Variants in DPP6 observed in about 807,000 individuals in gnomAD.
DPP6 encodes the protein dipeptidyl peptidase like 6.
In DPP6, 69 loss-of-function variants were observed where a neutral mutation model predicts 122.6. The ratio of observed to expected loss-of-function variants is 0.56; its 90% CI spans 0.46 to 0.69. The LOEUF (loss-of-function observed/expected upper bound fraction) is 0.69, where lower values mean the gene tolerates loss of function less well. DPP6 is among the 30% of genes least tolerant of loss of function. DPP6 has a pLI of 0.00. For missense variants in DPP6, 928 were observed against 1,116.9 expected, an observed-to-expected ratio of 0.83 and a Z score of 2.41; for synonymous variants, 418 against 433.1, an observed-to-expected ratio of 0.97 and a Z score of 0.43.
At chr7:154,247,745 C>A (rs1476928172) in intron 1 of DPP6, among the ~76,000 whole-genome samples, 1 of 152,102 alleles carries the variant, frequency 6.6e-6, no homozygotes, top group Non-Finnish European at 1.5e-5. Flanking sequence ...GTCTACTGCA[C>A]TCTTAGGTAT....
At chr7:154,039,229 C>T (rs926292831) in intron 1 of DPP6, among the ~76,000 whole-genome samples, 5 of 141,128 alleles carry the variant, frequency 3.5e-5, no homozygotes, top group East Asian at 2.0e-4. Flanking sequence ...TGGAGGTGCC[C>T]GGTGGATCTC....
chr7:153,905,983 C>T (rs896077149), intron 1 of DPP6, among the ~76,000 whole-genome samples: 1 of 152,080 alleles, frequency 6.6e-6, no homozygotes, highest in Non-Finnish European at 1.5e-5. Flanking sequence ...AAAGTTGGAA[C>T]AAAATAAACC....
intron 1 of DPP6, among the ~76,000 whole-genome samples, chr7:154,364,556 G>A (rs1297665492): frequency 6.6e-6 from 1 of 152,214 alleles, no homozygotes. Context: ...GGTGGGGTGG[G>A]GGGTTGCATT....
intron 3 of DPP6, among the ~76,000 whole-genome samples, chr7:154,531,177 G>A (rs1434340871): frequency 6.6e-6 from 1 of 151,992 alleles, no homozygotes; most frequent in Non-Finnish European, 1.5e-5. Flanking sequence ...ATGTACCCCA[G>A]AATTTAAAAT....
the DPP6 span, among the ~76,000 whole-genome samples, chr7:153,837,251 A>G: frequency 6.7e-6 from 1 of 150,350 alleles, no homozygotes; most frequent in East Asian, 1.9e-4. Context: ...TATATCTACT[A>G]AAAATGTGTT....
At chr7:154,666,200 T>TACACACAC (rs1554429582) in intron 6 of DPP6, among the ~76,000 whole-genome samples, 3 of 102,504 alleles carry the variant, frequency 2.9e-5, no homozygotes, top group South Asian at 3.6e-4. Flanking sequence ...TATATATATA[T>TACACACAC]ACACATATAC....
chr7:153,935,619 T>TC (rs1801399292), intron 1 of DPP6, among the ~76,000 whole-genome samples: 1 of 152,198 alleles, frequency 6.6e-6, no homozygotes, highest in Admixed American at 6.5e-5. Context: ...ATTTTGTTTA[T>TC]CCTTTACAGC....
chr7:154,313,685 G>GTGTGTGCGTATATATATATATA, intron 1 of DPP6, among the ~76,000 whole-genome samples: 1 of 20,476 alleles, frequency 4.9e-5, no homozygotes, highest in East Asian at 3.3e-3. Context: ...TTAAGATATG[G>GTGTGTGCGTATATATATATATA]TATATATATA....
intron 2 of DPP6, among the ~76,000 whole-genome samples, chr7:154,452,189 T>C (rs1024888822): frequency 2.6e-5 from 4 of 152,238 alleles, no homozygotes; most frequent in African/African-American, 9.6e-5. Flanking sequence ...AAGATGCCAG[T>C]ACTTCCCATG....
intron 16 of DPP6, among the ~76,000 whole-genome samples, chr7:154,838,157 C>T (rs1197590292): frequency 6.6e-6 from 1 of 152,186 alleles, no homozygotes; most frequent in Non-Finnish European, 1.5e-5. Context: ...AGCATAATGA[C>T]AGCAGTAAAA....
chr7:154,827,069 C>T (rs1800212015), intron 16 of DPP6, among the ~76,000 whole-genome samples: 1 of 152,002 alleles, frequency 6.6e-6, no homozygotes, highest in African/African-American at 2.4e-5. Context: ...ATAGTTTAAG[C>T]TACGTTGACA....
At chr7:154,082,613 C>T (rs190008444) in intron 1 of DPP6, among the ~76,000 whole-genome samples, 1 of 151,990 alleles carries the variant, frequency 6.6e-6, no homozygotes, top group East Asian at 1.9e-4. Flanking sequence ...GCATTAGTTG[C>T]CATTCCTTTC....
chr7:153,972,771 G>A (rs1180986711), intron 1 of DPP6, among the ~76,000 whole-genome samples: 1 of 150,378 alleles, frequency 6.6e-6, no homozygotes, highest in Non-Finnish European at 1.5e-5. Context: ...TTTTTTTTTG[G>A]AATGAATTTG....
rs772474603 is a variant in DPP6 at position 154,880,961 on chromosome 7, G to C, written c.2133+19G>C. ...TGGGAAGGTGAGTCTGCGCCACCCT[G>C]GTCTGAAAACCCCTCAGTTCCAGTG... On this transcript the variant is annotated intron_variant, in intron 21 of 25. Transcript: ENST00000377770. The C allele has an allele frequency of 6.2e-7, 1 of 1,613,500 alleles. No homozygotes were observed. Among genetic ancestry groups the C allele is most frequent in the Admixed American group, 1.7e-5 (1 of 60,004 alleles).
At chr7:153,876,120 C>T in the DPP6 span, among the ~76,000 whole-genome samples, 1 of 151,854 alleles carries the variant, frequency 6.6e-6, no homozygotes, top group African/African-American at 2.4e-5. Context: ...GACTGGTATG[C>T]ACCTAATAAT....
At chr7:154,776,049 C>T (rs1330501273) in intron 10 of DPP6, among the ~76,000 whole-genome samples, 1 of 152,066 alleles carries the variant, frequency 6.6e-6, no homozygotes, top group African/African-American at 2.4e-5. Context: ...CCTCCTGCCC[C>T]ACCCACTGCT....
At chr7:154,001,005 AG>A (rs1797664743) in intron 1 of DPP6, among the ~76,000 whole-genome samples, 1 of 152,158 alleles carries the variant, frequency 6.6e-6, no homozygotes, top group Non-Finnish European at 1.5e-5. Context: ...GTTCTCATGA[AG>A]GGTTTCCTTC....
chr7:154,634,774 C>T (rs1051935738), intron 5 of DPP6, among the ~76,000 whole-genome samples: 1 of 151,876 alleles, frequency 6.6e-6, no homozygotes, highest in African/African-American at 2.4e-5. Flanking sequence ...CTCCCCGTTT[C>T]TTATGAGCAC....
intron 1 of DPP6, among the ~76,000 whole-genome samples, chr7:154,215,001 G>GC (rs1380576207): frequency 2.6e-5 from 4 of 152,112 alleles, no homozygotes; most frequent in East Asian, 1.9e-4. Context: ...ATAAATGTTA[G>GC]CCCCCCGGTT....
Sources: allele counts gnomAD v4.1 joint callset (sites outside exome capture counted in the v4.1 genomes callset), GRCh38; gene constraint gnomAD v4.1.1; transcripts MANE v1.5; gene names NCBI Gene and HGNC (gene_info 2026-07-23, HGNC 2026-07-21).